The following SLC4A8 variants were observed in gnomAD, a reference collection of about 807,000 sequenced individuals.
SLC4A8 encodes electroneutral sodium bicarbonate exchanger 1.
A neutral mutation model predicts 125.0 loss-of-function variants in SLC4A8; 40 were observed. The ratio of observed to expected loss-of-function variants is 0.32; its 90% confidence interval spans 0.25 to 0.42. SLC4A8 has a LOEUF of 0.42. Ranked by LOEUF, SLC4A8 falls within the 10% of genes least tolerant of loss-of-function variation. The pLI, the probability that SLC4A8 is intolerant of heterozygous loss-of-function variation, is 1.00. For missense variants in SLC4A8, 863 were observed against 1,355.1 expected, an observed-to-expected ratio of 0.64 and a Z score of 5.70; for synonymous variants, 456 against 476.0, an observed-to-expected ratio of 0.96 and a Z score of 0.55.
chr12:51,485,766 T>A, intron 16 of SLC4A8, 21 bp from the exon 17 acceptor site: 2 of 1,384,374 alleles, frequency 1.4e-6, no homozygotes, highest in Non-Finnish European at 2.1e-6. Context: ...AAAACATGTG[T>A]CCACTTCTTT....
At chr12:51,437,868 G>A (rs1949469827) in intron 1 of SLC4A8, among the ~76,000 whole-genome samples, 1 of 152,166 alleles carries the variant, frequency 6.6e-6, no homozygotes, top group Admixed American at 6.5e-5. Flanking sequence ...GGAGTTGCAG[G>A]TTTGAGAAGG....
At chr12:51,474,044 CAAAAACAA>C (rs1478877744) in intron 14 of SLC4A8, among the ~76,000 whole-genome samples, 13 of 151,696 alleles carry the variant, frequency 8.6e-5, no homozygotes, top group African/African-American at 3.2e-4. Context: ...AAAACAAAAA[CAAAAACAA>C]AAAACAAAAC....
At chr12:51,460,291 G>C (rs796717364) in intron 8 of SLC4A8, among the ~76,000 whole-genome samples, 183 bp downstream of exon 8, 4 of 152,272 alleles carry the variant, frequency 2.6e-5, no homozygotes, top group Non-Finnish European at 4.4e-5. Context: ...AGAGGCTGAG[G>C]TGGGGGATTA....
At position 51,486,628 on chromosome 12, in the gene SLC4A8, G is replaced by A. The variant is rs568443010; in HGVS notation, c.2286+728G>A. Among the ~76,000 whole-genome samples, 4 of 152,318 alleles carry A rather than the reference G, an allele frequency of 2.6e-5. No individual in the cohort carries two copies. In the East Asian group the frequency reaches 7.7e-4, roughly 29 times the overall value. On this transcript the variant is annotated intron_variant, in intron 17 of 24. Transcript: ENST00000453097. ...AGTTCTATAGAGCCCCATAGGGTGA[G>A]GGGAGAGAAAATCTGTGCGTACTCA...
intron 1 of SLC4A8, among the ~76,000 whole-genome samples, chr12:51,409,032 C>CT (rs35314224): frequency 3.3e-5 from 5 of 149,310 alleles, no homozygotes; most frequent in African/African-American, 9.9e-5. Context: ...TATATATATA[C>CT]TTTTTTTTTT....
intron 2 of SLC4A8, among the ~76,000 whole-genome samples, chr12:51,448,721 T>A (rs1476136009): frequency 6.6e-6 from 1 of 152,118 alleles, no homozygotes; most frequent in East Asian, 1.9e-4. Context: ...TCTTTTGAAC[T>A]AAGCTGAGAG....
intron 1 of SLC4A8, among the ~76,000 whole-genome samples, chr12:51,439,176 C>T (rs1481365527): frequency 1.3e-5 from 2 of 152,140 alleles, no homozygotes; most frequent in East Asian, 1.9e-4. Context: ...CCTGCCTCAG[C>T]CTCCTGAGTA....
chr12:51,443,885 G>A (rs1321703858), intron 2 of SLC4A8, among the ~76,000 whole-genome samples: 3 of 152,276 alleles, frequency 2.0e-5, no homozygotes, highest in East Asian at 1.9e-4. Flanking sequence ...TGCAGGGTAC[G>A]TCAAACCTAT....
At chr12:51,396,522 AG>A (rs1948265529) in intron 1 of SLC4A8, among the ~76,000 whole-genome samples, 1 of 152,120 alleles carries the variant, frequency 6.6e-6, no homozygotes, top group Non-Finnish European at 1.5e-5. Flanking sequence ...GCAAAAAATC[AG>A]TGATGGACAA....
intron 8 of SLC4A8, among the ~76,000 whole-genome samples, 185 bp downstream of exon 8, chr12:51,460,293 G>C (rs1055098123): frequency 1.3e-5 from 2 of 152,102 alleles, no homozygotes; most frequent in African/African-American, 4.8e-5. Context: ...AGGCTGAGGT[G>C]GGGGATTACT....
chr12:51,482,683 C>T (rs1951061515), intron 16 of SLC4A8, among the ~76,000 whole-genome samples: 1 of 152,070 alleles, frequency 6.6e-6, no homozygotes, highest in African/African-American at 2.4e-5. Context: ...CCTGGCCTGG[C>T]TAATGTAATT....
At chr12:51,451,382 T>G (rs1411239959) in intron 3 of SLC4A8, among the ~76,000 whole-genome samples, 1 of 152,200 alleles carries the variant, frequency 6.6e-6, no homozygotes, top group Non-Finnish European at 1.5e-5. Context: ...GTACTGGGAT[T>G]GCAGGCGTGA....
At chr12:51,422,997 A>G (rs1042178535), upstream of SLC4A8, among the ~76,000 whole-genome samples, 1 of 152,158 alleles carries the variant, frequency 6.6e-6, no homozygotes, top group African/African-American at 2.4e-5. Flanking sequence ...TATATTTTAG[A>G]TTTCTCTGCC....
intron 1 of SLC4A8, among the ~76,000 whole-genome samples, chr12:51,434,909 A>C (rs1949351354): frequency 6.6e-6 from 1 of 152,252 alleles, no homozygotes; most frequent in Non-Finnish European, 1.5e-5. Context: ...AAAACTAATA[A>C]ACATTCATTG....
chr12:51,504,297 T>C (rs909255794), intron 23 of SLC4A8, among the ~76,000 whole-genome samples, 177 bp downstream of exon 23: 1 of 152,220 alleles, frequency 6.6e-6, no homozygotes, highest in East Asian at 1.9e-4. Flanking sequence ...ATACCTGCTA[T>C]GTACCAGGCA....
intron 1 of SLC4A8, among the ~76,000 whole-genome samples, chr12:51,407,177 GC>G (rs1257937848): frequency 6.6e-6 from 1 of 152,150 alleles, no homozygotes; most frequent in African/African-American, 2.4e-5. Flanking sequence ...GACGGGAGGA[GC>G]CCTCATGGCC....
At chr12:51,392,105 G>A (rs55697954) in intron 1 of SLC4A8, 16,540 of 152,600 alleles carry the variant, frequency 0.11, 974 homozygotes, top group South Asian at 0.14. Flanking sequence ...CGTGTGCCAT[G>A]AACTGTGTCA....
At chr12:51,504,979 A>C (rs1938103687) in intron 23 of SLC4A8, among the ~76,000 whole-genome samples, 1 of 152,220 alleles carries the variant, frequency 6.6e-6, no homozygotes, top group South Asian at 2.1e-4. Flanking sequence ...AAAGAGCAGG[A>C]TATCTGGGTC....
rs115336616 is a variant in SLC4A8, at chr12:51,491,939, A to G, written c.2701-1765A>G. 2.4e-3 allele frequency among the ~76,000 whole-genome samples: 361 copies of G among 152,324 alleles called. 2 individuals carry two copies. The highest frequency in any genetic ancestry group is 8.2e-3 in the African/African-American group (340 of 41,578). On this transcript the variant is annotated intron_variant, in intron 19 of 24. Coordinates refer to ENST00000453097, the MANE Select transcript of SLC4A8 (RefSeq NM_001039960.3). The stretch of plus-strand genomic sequence containing the variant: ...ATCAGAGAAGGAATTCAGTGGAACT[A>G]TAGAGTAGAAATCCAATTATAGGTG...
Sources: allele counts gnomAD v4.1 joint callset (sites outside exome capture counted in the v4.1 genomes callset), GRCh38; gene constraint gnomAD v4.1.1; transcripts MANE v1.5; gene names NCBI Gene and HGNC (gene_info 2026-07-23, HGNC 2026-07-21).